Variants in CACNB2 observed in about 807,000 individuals in gnomAD.
CACNB2 encodes voltage-dependent L-type calcium channel subunit beta-2.
CACNB2 carries 42 observed loss-of-function variants against 73.3 expected under a neutral mutation model. The ratio of observed to expected loss-of-function variants is 0.57; its 90% CI spans 0.45 to 0.74. The LOEUF (loss-of-function observed/expected upper bound fraction) is 0.74. Among genes scored for constraint, CACNB2 ranks in the 30% least tolerant of loss-of-function variants. The probability of loss-of-function intolerance (pLI) is 0.00; values close to 1 mark genes in which losing one functional copy is unlikely to be tolerated. For synonymous variants in CACNB2, 348 were observed against 310.3 expected (o/e 1.12, Z -1.28); for missense variants, 940 against 853.0 (o/e 1.10, Z -1.27).
intron 3 of CACNB2, among the ~76,000 whole-genome samples, chr10:18,464,418 T>TAAAATAAAAAAAAAAAAAAATAAA (rs1554824204): frequency 1.2e-5 from 1 of 85,298 alleles, no homozygotes. Flanking sequence ...TCTCAAAAAT[T>TAAAATAAAAAAAAAAAAAAATAAA]AAAAAAAAAA....
At chr10:18,421,238 T>G (rs77361906) in intron 3 of CACNB2, among the ~76,000 whole-genome samples, 1 of 109,060 alleles carries the variant, frequency 9.2e-6, no homozygotes, top group African/African-American at 3.5e-5. Context: ...ATTTTTTTTT[T>G]TTGTTTCCTT....
chr10:18,438,963 T>C (rs937993545), intron 3 of CACNB2, among the ~76,000 whole-genome samples: 2 of 152,232 alleles, frequency 1.3e-5, no homozygotes, highest in African/African-American at 2.4e-5. Context: ...TAGAATGGCG[T>C]AGGCCAGCAC....
rs377657305 is a variant in CACNB2, at chr10:18,539,381, G to C, written c.1640G>C (p.Arg547Pro). Residue 547 changes from arginine to proline, a missense_variant, in exon 14 of 14, where the codon CGC (arginine) becomes CCC (proline). Coordinates refer to ENST00000324631, the MANE Select transcript of CACNB2 (RefSeq NM_201596.3). ...PHHNHRSGTS[R>P]GLSRQETFDS... ...CACAACCATCGCAGTGGGACAAGTC[G>C]CGGCCTCTCCAGGCAAGAGACATTT... The C allele has an allele frequency of 2.5e-6, 4 of 1,613,920 alleles. No homozygotes were observed. The highest frequency in any genetic ancestry group is 1.3e-5 in the African/African-American group (1 of 74,888).
intron 3 of CACNB2, among the ~76,000 whole-genome samples, chr10:18,469,187 C>T (rs935985423): frequency 1.3e-4 from 20 of 152,080 alleles, no homozygotes; most frequent in African/African-American, 4.8e-4. Context: ...CTGCAGTGAG[C>T]TATGAGTGCA....
At chr10:18,262,403 A>C (rs1176996521) in intron 2 of CACNB2, among the ~76,000 whole-genome samples, 3 of 150,618 alleles carry the variant, frequency 2.0e-5, no homozygotes, top group African/African-American at 7.3e-5. Flanking sequence ...AGCATGAAAA[A>C]CCCCTTTTAT....
At chr10:18,165,378 G>C (rs1440615363) in intron 2 of CACNB2, among the ~76,000 whole-genome samples, 1 of 152,200 alleles carries the variant, frequency 6.6e-6, no homozygotes, top group African/African-American at 2.4e-5. Context: ...TCAAAACAGA[G>C]AGAAACGATG....
At chr10:18,518,599 T>C (rs1022131745) in intron 8 of CACNB2, among the ~76,000 whole-genome samples, 183 bp downstream of exon 8, 3 of 152,246 alleles carry the variant, frequency 2.0e-5, no homozygotes, top group Admixed American at 2.0e-4. Flanking sequence ...GTCCTTTTTC[T>C]GTTTTGTTTA....
chr10:18,535,296 C>G (rs2053453853), intron 11 of CACNB2, among the ~76,000 whole-genome samples: 1 of 152,202 alleles, frequency 6.6e-6, no homozygotes, highest in East Asian at 1.9e-4. Flanking sequence ...GAAGACTATA[C>G]TAAATTGTTT....
At chr10:18,368,872 A>T (rs981867527) in intron 2 of CACNB2, among the ~76,000 whole-genome samples, 9 of 152,326 alleles carry the variant, frequency 5.9e-5, no homozygotes, top group African/African-American at 1.9e-4. Context: ...CATGTTAAAC[A>T]GTTACAGCAT....
chr10:18,231,555 G>C (rs1234350771), intron 2 of CACNB2, among the ~76,000 whole-genome samples: 3 of 152,160 alleles, frequency 2.0e-5, no homozygotes, highest in Non-Finnish European at 1.5e-5. Flanking sequence ...ATCTCTTTTA[G>C]AGAATGTGGC....
intron 2 of CACNB2, among the ~76,000 whole-genome samples, chr10:18,395,283 C>G (rs1005784982): frequency 1.3e-5 from 2 of 152,316 alleles, no homozygotes; most frequent in Non-Finnish European, 2.9e-5. Context: ...CTTCTCAATG[C>G]GTTGCAGGGC....
chr10:18,274,692 A>G (rs966004472), intron 2 of CACNB2, among the ~76,000 whole-genome samples: 18 of 152,258 alleles, frequency 1.2e-4, no homozygotes, highest in Non-Finnish European at 2.1e-4. Flanking sequence ...CCTTTGGTCA[A>G]TCCTCCTCAA....
chr10:18,174,163 G>C (rs1211586424), intron 2 of CACNB2, among the ~76,000 whole-genome samples: 1 of 151,906 alleles, frequency 6.6e-6, no homozygotes, highest in Non-Finnish European at 1.5e-5. Flanking sequence ...ATGGGAGTTT[G>C]AGACATTTCC....
At chr10:18,241,785 A>G (rs1454786773) in intron 2 of CACNB2, among the ~76,000 whole-genome samples, 1 of 151,952 alleles carries the variant, frequency 6.6e-6, no homozygotes, top group Admixed American at 6.6e-5. Context: ...TGAACTTTTA[A>G]TCTTTATAGT....
At chr10:18,523,226 TA>T (rs34566242) in intron 9 of CACNB2, among the ~76,000 whole-genome samples, 29,453 of 151,834 alleles carry the variant, frequency 0.19, 3,151 homozygotes, top group South Asian at 0.3. Context: ...GCCTGAACAC[TA>T]AAAAAAATTC....
intron 10 of CACNB2, among the ~76,000 whole-genome samples, chr10:18,530,512 G>GAAA (rs2052897591): frequency 1.7e-5 from 1 of 58,902 alleles, no homozygotes; most frequent in African/African-American, 5.9e-5. Flanking sequence ...GTACAAAAAT[G>GAAA]CAAAAAAAAA....
chr10:18,277,395 CA>C (rs775267278), intron 2 of CACNB2, among the ~76,000 whole-genome samples: 9 of 152,214 alleles, frequency 5.9e-5, no homozygotes, highest in Non-Finnish European at 1.0e-4. Flanking sequence ...TGAGTTGCCA[CA>C]AGTGTATATT....
chr10:18,405,294 A>G (rs79253631), intron 3 of CACNB2, among the ~76,000 whole-genome samples: 1,732 of 152,288 alleles, frequency 0.011, 31 homozygotes, highest in East Asian at 0.065. Flanking sequence ...CCCCATGCGT[A>G]GAACCACTAT....
chr10:18,283,845 A>C (rs1263501183), intron 2 of CACNB2, among the ~76,000 whole-genome samples: 2 of 152,200 alleles, frequency 1.3e-5, no homozygotes, highest in Non-Finnish European at 2.9e-5. Flanking sequence ...AGTGTTCTTC[A>C]AACAACTGTG....
Sources: gnomAD v4.1 joint callset for allele counts (sites outside exome capture counted in the v4.1 genomes callset) on GRCh38, gnomAD v4.1.1 for gene constraint, MANE v1.5 for transcripts, NCBI Gene and HGNC (gene_info 2026-07-23, HGNC 2026-07-21) for gene names.